PKD1L3: variants seen among roughly 807,000 people sequenced by gnomAD.
The protein encoded by PKD1L3 is polycystin 1 like 3, transient receptor potential channel interacting, also known as polycystin-1-like protein 3.
Under a neutral mutation model 184.1 loss-of-function variants are expected in PKD1L3, and 239 were observed. The ratio of observed to expected loss-of-function variants is 1.30; its 90% CI spans 1.17 to 1.45. The LOEUF (loss-of-function observed/expected upper bound fraction) is 1.45. Among genes scored for constraint, PKD1L3 ranks in the 40% most tolerant of loss-of-function variants. The probability of loss-of-function intolerance (pLI) is 0.00; values close to 1 mark genes in which losing one functional copy is unlikely to be tolerated. For synonymous variants in PKD1L3, 996 were observed against 778.8 expected (o/e 1.28, Z -4.64); for missense variants, 2,660 against 2,067.2 (o/e 1.29, Z -5.56).
intron 2 of PKD1L3, among the ~76,000 whole-genome samples, chr16:71,995,192 G>A (rs894179321): frequency 3.3e-5 from 5 of 152,206 alleles, no homozygotes; most frequent in South Asian, 2.1e-4. Flanking sequence ...AAAGGCAAGA[G>A]AAGCCCTCCC....
At chr16:71,991,658 A>G (rs901996201) in intron 3 of PKD1L3, among the ~76,000 whole-genome samples, 1 of 152,210 alleles carries the variant, frequency 6.6e-6, no homozygotes, top group African/African-American at 2.4e-5. Flanking sequence ...TGGCACGTAG[A>G]TATCTGGTAT....
At chr16:71,948,909 T>A (rs2038724000) in intron 21 of PKD1L3, among the ~76,000 whole-genome samples, 1 of 150,840 alleles carries the variant, frequency 6.6e-6, no homozygotes, top group African/African-American at 2.4e-5. Flanking sequence ...TACCAAGTAG[T>A]TTCATCACCC....
intron 24 of PKD1L3, among the ~76,000 whole-genome samples, chr16:71,940,492 GTTT>G (rs2038324472): frequency 6.6e-6 from 1 of 151,764 alleles, no homozygotes. Flanking sequence ...ACAGAGCTTT[GTTT>G]TTTATTTTTT....
At chr16:71,994,341 C>G (rs2040703802) in intron 2 of PKD1L3, among the ~76,000 whole-genome samples, 1 of 152,116 alleles carries the variant, frequency 6.6e-6, no homozygotes, top group South Asian at 2.1e-4. Context: ...GATAACCTTG[C>G]TTTCTAACTC....
chr16:71,943,967 C>T, intron 23 of PKD1L3, 63 bp downstream of exon 23: 1 of 1,473,132 alleles, frequency 6.8e-7, no homozygotes, highest in East Asian at 2.5e-5. Flanking sequence ...TTTATTCTCT[C>T]TCTTCCTTTC....
chr16:71,952,017 C>T (rs1192051052), intron 18 of PKD1L3, among the ~76,000 whole-genome samples: 1 of 152,026 alleles, frequency 6.6e-6, no homozygotes, highest in African/African-American at 2.4e-5. Context: ...TGGTACCATG[C>T]ACTCCCATTT....
rs189970643 is a variant in PKD1L3 at position 71,995,285 on chromosome 16, C to T, written c.419-1953G>A. ...GGCCAACCCACCTCTTAAAGCCCCA[C>T]GTCTTAATGCGATCACATTGGCAAC... is the stretch of plus-strand genomic sequence containing the variant. On this transcript the variant is annotated intron_variant, in intron 2 of 29. Transcript: ENST00000620267. 6.9e-4 allele frequency among the ~76,000 whole-genome samples: 55 copies of T among 79,378 alleles called. No homozygotes were observed. The African/African-American group carries it at 8.9e-3, about 13-fold the overall frequency. The allele number at this position is 79,378 out of a possible 152,430, so 52.1% of individuals were successfully genotyped here.
intron 16 of PKD1L3, among the ~76,000 whole-genome samples, chr16:71,958,270 C>A (rs553011962): frequency 6.8e-4 from 103 of 150,822 alleles, no homozygotes; most frequent in African/African-American, 2.3e-3. Flanking sequence ...GCCTGTAGTC[C>A]CAGCTACTTG....
In PKD1L3 at chr16:71,942,828, T is replaced by G; in HGVS notation, c.4056A>C (p.Ala1352=). ...ATTTGCAATGACTGGGCTCCAGGAC[T>G]GCATTCTTACCTCTGTAATCCCCAT... ...SLYGDYRGKN[A]VLEPSHCKCG... Residue 1352 remains alanine, a synonymous_variant, in exon 24 of 30, where the codon GCA becomes GCC. Coordinates refer to ENST00000620267, the MANE Select transcript of PKD1L3 (RefSeq NM_181536.2). 6.4e-7 allele frequency: 1 copy of G among 1,551,666 alleles called. No homozygotes were observed. Among genetic ancestry groups the G allele is most frequent in the Middle Eastern group, 1.7e-4 (1 of 5,992 alleles).
At chr16:71,929,807 G>T in intron 29 of PKD1L3, 129 bp from the exon 30 acceptor site, 1 of 1,062,000 alleles carries the variant, frequency 9.4e-7, no homozygotes, top group Non-Finnish European at 1.3e-6. Context: ...ATAATTTGCA[G>T]TCAGGCATTG....
intron 1 of PKD1L3, 137 bp from the exon 2 acceptor site, chr16:71,998,531 A>G (rs1172607699): frequency 3.1e-5 from 37 of 1,205,768 alleles, no homozygotes; most frequent in Non-Finnish European, 3.9e-5. Context: ...ACTCACTGCA[A>G]TCTCTGCCTC....
intron 2 of PKD1L3, among the ~76,000 whole-genome samples, chr16:71,995,717 G>A (rs2040761529): frequency 6.6e-6 from 1 of 152,140 alleles, no homozygotes; most frequent in Non-Finnish European, 1.5e-5. Flanking sequence ...GCATCTTTTT[G>A]TACTTTTGCT....
intron 13 of PKD1L3, 95 bp downstream of exon 13, chr16:71,969,780 G>A: frequency 9.0e-7 from 1 of 1,117,140 alleles, no homozygotes; most frequent in Non-Finnish European, 1.3e-6. Context: ...CCAGTACCAG[G>A]CTTCCTGCTG....
rs764537427 is a variant in PKD1L3, at chr16:71,990,340, A to G, written c.536-11T>C. ...GAAGATGACCAGGTCCTATAGAAAA[A>G]AGAAAGCAGACTAAGTTCAAGTAAA... On this transcript the variant is annotated splice_polypyrimidine_tract_variant and intron_variant, in intron 3 of 29. Coordinates refer to ENST00000620267, the MANE Select transcript of PKD1L3 (RefSeq NM_181536.2). 6.5e-7 allele frequency: 1 copy of G among 1,542,240 alleles called. No individual in the cohort carries two copies. The highest frequency in any genetic ancestry group is 8.8e-7 in the Non-Finnish European group (1 of 1,139,668).
intron 11 of PKD1L3, among the ~76,000 whole-genome samples, chr16:71,976,764 A>G (rs1018466601): frequency 6.6e-6 from 1 of 152,016 alleles, no homozygotes; most frequent in Non-Finnish European, 1.5e-5. Context: ...ACTTTTTGAG[A>G]CGGAGTCTGT....
intron 23 of PKD1L3, 118 bp downstream of exon 23, chr16:71,943,912 T>A: frequency 8.2e-7 from 1 of 1,212,326 alleles, no homozygotes; most frequent in South Asian, 1.6e-5. Context: ...TCTCACAGGG[T>A]GAAGATTTTA....
At chr16:71,947,449 G>T in intron 22 of PKD1L3, 43 bp downstream of exon 22, 1 of 1,349,696 alleles carries the variant, frequency 7.4e-7, no homozygotes, top group Non-Finnish European at 1.0e-6. Context: ...GATCTAATTT[G>T]CTTTTTGCAA....
intron 29 of PKD1L3, 178 bp from the exon 30 acceptor site, chr16:71,929,856 G>C (rs2037865629): frequency 1.0e-6 from 1 of 956,406 alleles, no homozygotes; most frequent in Non-Finnish European, 1.5e-6. Flanking sequence ...ACTATTTATA[G>C]GACAATGGCT....
chr16:71,955,158 C>T (rs1318992300), intron 16 of PKD1L3, among the ~76,000 whole-genome samples: 1 of 152,054 alleles, frequency 6.6e-6, no homozygotes, highest in East Asian at 1.9e-4. Context: ...TCCAAGGTCC[C>T]ATATAATAAG....
Sources: gnomAD v4.1 joint callset for allele counts (sites outside exome capture counted in the v4.1 genomes callset) on GRCh38, gnomAD v4.1.1 for gene constraint, MANE v1.5 for transcripts, NCBI Gene and HGNC (gene_info 2026-07-23, HGNC 2026-07-21) for gene names.